OGDH: variants seen among roughly 807,000 people sequenced by gnomAD.
The protein encoded by OGDH is 2-oxoglutarate dehydrogenase complex component E1.
A neutral mutation model predicts 116.6 loss-of-function variants in OGDH; 38 were observed. The ratio of observed to expected loss-of-function variants is 0.33; its 90% CI spans 0.25 to 0.43. The LOEUF is 0.43. Ranked by LOEUF, OGDH falls within the 20% of genes least tolerant of loss-of-function variation. The pLI is 1.00. For synonymous variants in OGDH, 488 were observed against 533.3 expected, an observed-to-expected ratio of 0.92 and a Z score of 1.17; for missense variants, 825 against 1,357.2, an observed-to-expected ratio of 0.61 and a Z score of 6.16.
At chr7:44,696,859 G>T in intron 14 of OGDH, 55 bp from the exon 15 acceptor site, 6 of 1,543,934 alleles carry the variant, frequency 3.9e-6, no homozygotes, top group Non-Finnish European at 5.3e-6. Flanking sequence ...TGAGAAGCAA[G>T]GCAGGCATGT....
At chr7:44,623,598 G>A (rs1241760739) in intron 1 of OGDH, among the ~76,000 whole-genome samples, 1 of 152,138 alleles carries the variant, frequency 6.6e-6, no homozygotes. Flanking sequence ...TAAATTTAAA[G>A]AACATCGTAT....
Position 44,681,033 on chromosome 7 carries a change from T to G in OGDH, c.1207-687T>G, listed in dbSNP as rs1336944761. ...TGCAGAGAATGCCAACTAATAAATT[T>G]AGGAGTAATCGAAACTGGTGTTTGC... On this transcript the variant is annotated intron_variant, in intron 9 of 22. Coordinates refer to ENST00000222673, the MANE Select transcript of OGDH (RefSeq NM_002541.4). 2.0e-5 allele frequency among the ~76,000 whole-genome samples: 3 copies of G among 152,144 alleles called. No homozygotes were observed. The East Asian group carries it at 5.8e-4, about 29-fold the overall frequency.
intron 9 of OGDH, chr7:44,676,636 A>G (rs1424525352): frequency 1.1e-5 from 2 of 179,598 alleles, no homozygotes; most frequent in Non-Finnish European, 1.0e-5. Flanking sequence ...ATATATATAT[A>G]TATATTTAAA....
chr7:44,681,839 C>T lies in OGDH; in HGVS notation c.1326C>T (p.Val442=). The part of the protein sequence containing the change: ...YTTHGTVHVV[V]NNQIGFTTDP... ...CTCATGGCACCGTGCACGTGGTCGT[C>T]AACAACCAGGTACCTCACACCAGCC... Residue 442 remains valine (V), a synonymous_variant, in exon 10 of 23, where the codon GTC becomes GTT. Coordinates refer to ENST00000222673, the MANE Select transcript of OGDH (RefSeq NM_002541.4). 1 of 1,614,174 alleles carries T rather than the reference C, an allele frequency of 6.2e-7. No homozygotes were observed. The highest frequency in any genetic ancestry group is 8.5e-7 in the Non-Finnish European group (1 of 1,180,012).
chr7:44,617,324 T>C (rs551393347), intron 1 of OGDH, among the ~76,000 whole-genome samples: 1 of 152,220 alleles, frequency 6.6e-6, no homozygotes, highest in Non-Finnish European at 1.5e-5. Context: ...GGGTTAGGAG[T>C]AATTACTGTC....
chr7:44,611,316 T>C (rs1784556193), intron 1 of OGDH, among the ~76,000 whole-genome samples: 1 of 152,114 alleles, frequency 6.6e-6, no homozygotes, highest in Non-Finnish European at 1.5e-5. Context: ...GCTGGAGTGC[T>C]GGAGTGCAGT....
At chr7:44,704,922 G>C (rs1389116671) in intron 20 of OGDH, among the ~76,000 whole-genome samples, 1 of 151,620 alleles carries the variant, frequency 6.6e-6, no homozygotes, top group African/African-American at 2.4e-5. Flanking sequence ...TGTTGACCAG[G>C]CTGGTCTTGA....
At chr7:44,674,347 A>G in intron 6 of OGDH, 64 bp from the exon 7 acceptor site, 2 of 1,604,764 alleles carry the variant, frequency 1.2e-6, no homozygotes, top group Non-Finnish European at 1.7e-6. Context: ...GCCTGGCCAG[A>G]ATCCCCTCTT....
At chr7:44,674,863 G>T (rs182540941) in intron 7 of OGDH, 1 of 530,828 alleles carries the variant, frequency 1.9e-6, no homozygotes, top group East Asian at 3.3e-5. Context: ...TGGAGGGAAG[G>T]CTGCTTCCTG....
At position 44,697,470 on chromosome 7, in the gene OGDH, A is replaced by T. The variant is rs768404326; in HGVS notation, c.2152A>T (p.Ser718Cys). 1 of 1,614,180 alleles carries T rather than the reference A, an allele frequency of 6.2e-7. No individual in the cohort carries two copies. Among genetic ancestry groups the T allele is most frequent in the Non-Finnish European group, 8.5e-7 (1 of 1,180,026 alleles). ...PNQAPYTVCNSSLSEYGVLGF... is the reference protein window; with the variant it reads ...PNQAPYTVCNCSLSEYGVLGF... Reference sequence around the variant, plus strand: ...TCAGGCCCCCTATACTGTGTGCAACAGCTCACTGTCTGAGTACGGCGTGCT... The same window carrying T: ...TCAGGCCCCCTATACTGTGTGCAACTGCTCACTGTCTGAGTACGGCGTGCT... The change falls in exon 16 of 23, where the codon AGC becomes TGC. Residue 718 changes from serine (S) to cysteine (C), a missense_variant. By Grantham distance (112) the Ser-to-Cys change is moderately radical (BLOSUM62 -1). Coordinates refer to ENST00000222673, the MANE Select transcript of OGDH (RefSeq NM_002541.4). This position sits in a 1 kb window ranked among gnomAD's most constrained non-coding sequence, Gnocchi z 6.0.
At position 44,614,232 on chromosome 7, in the gene OGDH, C is replaced by CTT. The variant is rs751896865; in HGVS notation, c.-28+7593_-28+7594dup. On this transcript the variant is annotated intron_variant, in intron 1 of 22. Transcript: ENST00000222673. The stretch of plus-strand genomic sequence containing the variant: ...CTCCCAAAGTGCTGGGATTACAGGC[C>CTT]TTTTTTTTTTTTTTTCTTGTGTATA... Among the ~76,000 whole-genome samples the CTT allele has an allele frequency of 2.9e-3, 398 of 136,098 alleles. 2 individuals carry two copies. Among genetic ancestry groups the CTT allele is most frequent in the African/African-American group, 9.3e-3 (347 of 37,128 alleles). The allele number at this position is 136,098 out of a possible 152,430, so 89.3% of individuals were successfully genotyped here.
chr7:44,655,765 G>C (rs1786663994), intron 4 of OGDH, among the ~76,000 whole-genome samples: 1 of 152,164 alleles, frequency 6.6e-6, no homozygotes, highest in Admixed American at 6.5e-5. Context: ...TGTGGCTCTT[G>C]GGTTGTTTTC....
intron 4 of OGDH, among the ~76,000 whole-genome samples, chr7:44,655,128 G>GTA (rs1786630927): frequency 6.6e-6 from 1 of 152,134 alleles, no homozygotes; most frequent in Non-Finnish European, 1.5e-5. Flanking sequence ...TTAAAAATGG[G>GTA]TATGAGTATT....
At position 44,644,234 on chromosome 7, in the gene OGDH, GCTTTT is replaced by G. The variant is rs201219960; in HGVS notation, c.223-1082_223-1078del. 4.4e-3 allele frequency among the ~76,000 whole-genome samples: 666 copies of G among 151,754 alleles called. 4 individuals carry two copies. Among genetic ancestry groups the G allele is most frequent in the African/African-American group, 0.015 (631 of 41,130 alleles). On this transcript the variant is annotated intron_variant, in intron 2 of 22. Transcript: ENST00000222673. ...TTAAAATAAACTGATGTTTAATTGT[GCTTTT>G]CTTTTCTTTTTACAATGAACTTTTG...
intron 1 of OGDH, among the ~76,000 whole-genome samples, chr7:44,614,303 G>GTTTTTTTTTTTTTTTTT (rs1223054626): frequency 8.9e-6 from 1 of 112,652 alleles, no homozygotes. Context: ...GGTTTTTTTT[G>GTTTTTTTTTTTTTTTTT]TTTTTTTTGT....
chr7:44,698,749 G>A (rs1236714247), intron 18 of OGDH, among the ~76,000 whole-genome samples: 1 of 151,734 alleles, frequency 6.6e-6, no homozygotes, highest in Non-Finnish European at 1.5e-5. Context: ...GCTGAGGTGG[G>A]AGGATTGCTT....
In OGDH at chr7:44,707,352, C is replaced by T; in HGVS notation, c.2760C>T (p.Asp920=). 6.2e-7 allele frequency: 1 copy of T among 1,614,260 alleles called. No individual in the cohort carries two copies. Among genetic ancestry groups the T allele is most frequent in the Non-Finnish European group, 8.5e-7 (1 of 1,180,048 alleles). Residue 920 remains aspartate (D), a synonymous_variant, in exon 21 of 23, where the codon GAC becomes GAT. Coordinates refer to ENST00000222673, the MANE Select transcript of OGDH (RefSeq NM_002541.4). The surrounding 1 kb of genome is among the most constrained non-coding windows in gnomAD (Gnocchi z 5.2). Reference sequence around the variant, plus strand: ...TCACCCGGGAGCGCAAAGCACGCGACATGGTGGGGCAGGTGGCCATCACAA... The same window carrying T: ...TCACCCGGGAGCGCAAAGCACGCGATATGGTGGGGCAGGTGGCCATCACAA... The part of the protein sequence containing the change: ...YDLTRERKAR[D]MVGQVAITRI...
At chr7:44,657,189 C>G (rs1036628230) in intron 4 of OGDH, among the ~76,000 whole-genome samples, 2 of 152,162 alleles carry the variant, frequency 1.3e-5, no homozygotes, top group African/African-American at 2.4e-5. Context: ...AAGTAAGACT[C>G]TAGACATCCA....
chr7:44,624,190 G>A (rs1330310854), intron 1 of OGDH, 127 bp from the exon 2 acceptor site: 1 of 651,252 alleles, frequency 1.5e-6, no homozygotes, highest in East Asian at 2.7e-5. Flanking sequence ...TTTTGTTTTT[G>A]TTTTTCTAGT....
Sources: gnomAD v4.1 joint callset for allele counts (sites outside exome capture counted in the v4.1 genomes callset) on GRCh38, gnomAD v4.1.1 for gene constraint, Gnocchi (gnomAD v3.1) non-coding constraint, MANE v1.5 for transcripts, NCBI Gene and HGNC (gene_info 2026-07-23, HGNC 2026-07-21) for gene names.